KRT73: variants seen among roughly 807,000 people sequenced by gnomAD.
KRT73 encodes the protein keratin 73.
A neutral mutation model predicts 47.2 loss-of-function variants in KRT73; 44 were observed. The observed-to-expected ratio is 0.93, with a 90% CI of 0.73 to 1.20. The LOEUF is 1.20. Ranked by LOEUF, KRT73 falls within the 50% of genes most tolerant of loss-of-function variation. The probability of loss-of-function intolerance (pLI) is 0.00; values close to 1 mark genes in which losing one functional copy is unlikely to be tolerated. For synonymous variants in KRT73, 285 were observed against 291.3 expected, an observed-to-expected ratio of 0.98 and a Z score of 0.22; for missense variants, 713 against 704.5, an observed-to-expected ratio of 1.01 and a Z score of -0.14.
chr12:52,615,187 C>G, intron 3 of KRT73, 92 bp downstream of exon 3: 1 of 1,133,196 alleles, frequency 8.8e-7, no homozygotes, highest in Non-Finnish European at 1.3e-6. Flanking sequence ...GCTCCAGGCC[C>G]TTCTGCGGGG....
In KRT73 at chr12:52,618,263, T is replaced by C. The variant is rs1459547629; in HGVS notation, c.262A>G (p.Ser88Gly). The C allele has an allele frequency of 6.2e-7, 1 of 1,614,012 alleles. No homozygotes were observed. The highest frequency in any genetic ancestry group is 8.5e-7 in the Non-Finnish European group (1 of 1,180,026). ...GGACACACGGACCCCAAGGCCACAC[T>C]GCCAAACATGCTGCCAGCAAAGCCA... is the stretch of plus-strand genomic sequence containing the variant. ...ASGFAGSMFG[S>G]VALGSVCPSL... Residue 88 changes from serine to glycine, a missense_variant, in exon 1 of 9, where the codon AGT (serine) becomes GGT (glycine). By Grantham distance (56) the Ser-to-Gly change is moderately conservative. Coordinates refer to ENST00000305748, the MANE Select transcript of KRT73 (RefSeq NM_175068.3).
chr12:52,626,898 A>G, the KRT73 span, among the ~76,000 whole-genome samples: 1 of 152,206 alleles, frequency 6.6e-6, no homozygotes, highest in Admixed American at 6.5e-5. Context: ...CCAGGCAAAC[A>G]GGAACAAGGT....
chr12:52,630,263 G>A, the KRT73 span, among the ~76,000 whole-genome samples: 1 of 152,230 alleles, frequency 6.6e-6, no homozygotes, highest in Non-Finnish European at 1.5e-5. Flanking sequence ...TTGACAGAGT[G>A]CCTGCCACGA....
Position 52,611,216 on chromosome 12 carries a change from A to C in KRT73, c.1098T>G (p.Ser366Arg). The change falls in exon 6 of 9, where the codon AGT becomes AGG. Residue 366 changes from serine (S) to arginine (R), a missense_variant. Ser to Arg is a moderately radical substitution (Grantham distance 110). Transcript: ENST00000305748. ...CAGTCCCCTTCACCTGCTTCTTCACACTCTCAATCTCCGAGCGCAGTCTTT... is the reference window on the plus strand; with the variant it reads ...CAGTCCCCTTCACCTGCTTCTTCACCCTCTCAATCTCCGAGCGCAGTCTTT... ...LIQRLRSEIE[S>R]VKKQCANLET... is the part of the protein sequence containing the mutation. 6.2e-7 allele frequency: 1 copy of C among 1,613,782 alleles called. No homozygotes were observed. Among genetic ancestry groups the C allele is most frequent in the Non-Finnish European group, 8.5e-7 (1 of 1,179,938 alleles).
In KRT73 at chr12:52,611,269, C is replaced by G; in HGVS notation, c.1045G>C (p.Glu349Gln). ...HGDDLKHTKN[E>Q]ISELTRLIQR... ...ATGAGACGGGTCAGCTCTGAGATCT[C>G]ATTTTTGGTGTGTTTCAGGTCATCC... is the stretch of plus-strand genomic sequence containing the variant. The change falls in exon 6 of 9, where the codon GAG becomes CAG. Residue 349 changes from glutamate to glutamine, a missense_variant. Glu to Gln is a conservative substitution (Grantham distance 29). Transcript: ENST00000305748. 6.2e-7 allele frequency: 1 copy of G among 1,614,184 alleles called. No individual in the cohort carries two copies. Among genetic ancestry groups the G allele is most frequent in the Non-Finnish European group, 8.5e-7 (1 of 1,180,034 alleles).
At chr12:52,608,889 C>T (rs1029338746) in intron 8 of KRT73, among the ~76,000 whole-genome samples, 1 of 152,182 alleles carries the variant, frequency 6.6e-6, no homozygotes, top group African/African-American at 2.4e-5. Context: ...CAGTGGTCCA[C>T]ACACCAGTCT....
upstream of KRT73, among the ~76,000 whole-genome samples, chr12:52,620,082 C>A (rs1324623244): frequency 6.8e-6 from 1 of 147,514 alleles, no homozygotes; most frequent in Non-Finnish European, 1.5e-5. Flanking sequence ...TCTTTTTTAG[C>A]TAACATGAAG....
chr12:52,621,294 G>GAA (rs979224048), upstream of KRT73, among the ~76,000 whole-genome samples: 2 of 140,158 alleles, frequency 1.4e-5, no homozygotes, highest in Non-Finnish European at 3.1e-5. Flanking sequence ...AAAGAAAGGG[G>GAA]GGGGGGGGGA....
upstream of KRT73, among the ~76,000 whole-genome samples, chr12:52,619,017 G>A (rs1248781597): frequency 6.6e-5 from 10 of 152,340 alleles, no homozygotes; most frequent in East Asian, 1.9e-3. Context: ...GCTGCTGCCT[G>A]GCTTCCCAGA....
intron 4 of KRT73, 64 bp from the exon 5 acceptor site, chr12:52,613,916 G>A: frequency 6.3e-7 from 1 of 1,580,366 alleles, no homozygotes; most frequent in Non-Finnish European, 8.6e-7. Flanking sequence ...CAAGGTGATG[G>A]CCCTGTCCCA....
chr12:52,628,576 T>G, the KRT73 span, among the ~76,000 whole-genome samples: 8 of 152,194 alleles, frequency 5.3e-5, no homozygotes, highest in Non-Finnish European at 2.9e-5. Flanking sequence ...AACTGAGAAT[T>G]GATAGTAATC....
chr12:52,626,505 T>C, the KRT73 span, among the ~76,000 whole-genome samples: 1 of 152,220 alleles, frequency 6.6e-6, no homozygotes, highest in Non-Finnish European at 1.5e-5. Context: ...GTTGTGCCTT[T>C]TAACAGCACA....
At chr12:52,609,062 G>T (rs531569605) in intron 8 of KRT73, among the ~76,000 whole-genome samples, 185 bp downstream of exon 8, 17 of 152,322 alleles carry the variant, frequency 1.1e-4, no homozygotes, top group Admixed American at 9.8e-4. Context: ...CTGGGCACTA[G>T]CTCCACCTGG....
upstream of KRT73, among the ~76,000 whole-genome samples, chr12:52,621,904 C>G (rs927094973): frequency 2.6e-5 from 4 of 152,122 alleles, no homozygotes; most frequent in African/African-American, 9.7e-5. Context: ...AGTGCCTGAC[C>G]CACTTGGTAC....
At chr12:52,625,247 T>G in the KRT73 span, among the ~76,000 whole-genome samples, 1 of 152,108 alleles carries the variant, frequency 6.6e-6, no homozygotes, top group Admixed American at 6.5e-5. Flanking sequence ...GACCACATAT[T>G]CAGCATAGGA....
chr12:52,619,292 C>G (rs1940867558), upstream of KRT73, among the ~76,000 whole-genome samples: 1 of 152,244 alleles, frequency 6.6e-6, no homozygotes, highest in South Asian at 2.1e-4. Context: ...CAGCACTTTA[C>G]AGTGTAACAG....
chr12:52,610,498 G>A (rs1940671965), intron 7 of KRT73, 117 bp downstream of exon 7: 1 of 929,206 alleles, frequency 1.1e-6, no homozygotes, highest in Admixed American at 2.0e-5. Flanking sequence ...AACTATGCTT[G>A]TGGGTGAAGT....
the KRT73 span, among the ~76,000 whole-genome samples, chr12:52,629,383 C>T: frequency 6.8e-6 from 1 of 146,244 alleles, no homozygotes; most frequent in Non-Finnish European, 1.5e-5. Flanking sequence ...CAGCAAGGGC[C>T]CTGAAGGCAG....
In KRT73 at chr12:52,608,440, C is replaced by A; in HGVS notation, c.1379G>T (p.Ser460Ile). Residue 460 changes from serine to isoleucine, a missense_variant, in exon 9 of 9, where the codon AGC (serine) becomes ATC (isoleucine). By Grantham distance (142) the Ser-to-Ile change is moderately radical. Transcript: ENST00000305748. ...TGTGCCTGCCATCCCGGCCATGGAGCTGTTGATGACCGCTGCAGAGGAGGG... is the reference window on the plus strand; with the variant it reads ...TGTGCCTGCCATCCCGGCCATGGAGATGTTGATGACCGCTGCAGAGGAGGG... ...TNSVSISVIN[S>I]SMAGMAGTGA... 2 of 1,609,700 alleles carry A rather than the reference C, an allele frequency of 1.2e-6. No homozygotes were observed. Among genetic ancestry groups the A allele is most frequent in the Non-Finnish European group, 8.5e-7 (1 of 1,179,392 alleles).
Sources: gnomAD v4.1 joint callset for allele counts (sites outside exome capture counted in the v4.1 genomes callset) on GRCh38, gnomAD v4.1.1 for gene constraint, MANE v1.5 for transcripts, NCBI Gene and HGNC (gene_info 2026-07-23, HGNC 2026-07-21) for gene names.